The following MALRD1 variants were observed in gnomAD, a reference collection of about 807,000 sequenced individuals.
The protein encoded by MALRD1 is MAM and LDL-receptor class A domain-containing protein 1.
Under a neutral mutation model 242.1 loss-of-function variants are expected in MALRD1, and 247 were observed. The observed-to-expected ratio is 1.02, with a 90% confidence interval of 0.92 to 1.13. The LOEUF (loss-of-function observed/expected upper bound fraction) is 1.13. MALRD1 is among the 50% of genes most tolerant of loss of function. The probability of loss-of-function intolerance (pLI) is 0.00; values close to 1 mark genes in which losing one functional copy is unlikely to be tolerated. For synonymous variants in MALRD1, 995 were observed against 866.6 expected (o/e 1.15, Z -2.60); for missense variants, 2,989 against 2,533.1 (o/e 1.18, Z -3.86).
chr10:19,267,309 T>C (rs538155291), intron 19 of MALRD1, among the ~76,000 whole-genome samples: 3 of 152,214 alleles, frequency 2.0e-5, no homozygotes, highest in South Asian at 4.1e-4. Flanking sequence ...GGATAACTGT[T>C]ACTAAAGCAG....
chr10:19,287,068 C>G (rs569408243), intron 21 of MALRD1, among the ~76,000 whole-genome samples: 80 of 152,242 alleles, frequency 5.3e-4, no homozygotes, highest in African/African-American at 1.8e-3. Context: ...CTACCTCTTT[C>G]ATCTTTATGT....
chr10:19,346,543 G>T (rs1844132044), intron 24 of MALRD1, among the ~76,000 whole-genome samples: 1 of 152,132 alleles, frequency 6.6e-6, no homozygotes, highest in Non-Finnish European at 1.5e-5. Context: ...TGATTTTACA[G>T]ACTTTTATTT....
chr10:19,053,405 G>A (rs7907849), intron 1 of MALRD1, among the ~76,000 whole-genome samples: 10,879 of 152,122 alleles, frequency 0.072, 675 homozygotes, highest in African/African-American at 0.16. Flanking sequence ...CTTGGTTTTG[G>A]TGCTGCTGCT....
At chr10:19,731,352 T>C (rs1165619548) in intron 39 of MALRD1, among the ~76,000 whole-genome samples, 1 of 152,192 alleles carries the variant, frequency 6.6e-6, no homozygotes, top group East Asian at 1.9e-4. Flanking sequence ...AGATTTTTTA[T>C]ATTTTAAGTC....
intron 28 of MALRD1, among the ~76,000 whole-genome samples, chr10:19,448,520 A>G (rs1374075376): frequency 6.6e-6 from 1 of 152,100 alleles, no homozygotes; most frequent in East Asian, 1.9e-4. Flanking sequence ...AGAATAACAA[A>G]GAATAGTGTA....
chr10:19,328,398 A>G (rs1416520910), intron 23 of MALRD1, among the ~76,000 whole-genome samples: 1 of 152,112 alleles, frequency 6.6e-6, no homozygotes, highest in Non-Finnish European at 1.5e-5. Context: ...ACACAGAGCC[A>G]TTTATGTACA....
At chr10:19,050,089 T>G (rs1834441178) in intron 1 of MALRD1, among the ~76,000 whole-genome samples, 1 of 142,824 alleles carries the variant, frequency 7.0e-6, no homozygotes, top group Non-Finnish European at 1.5e-5. Flanking sequence ...TCTTCTTTTT[T>G]TTTTTTTTTT....
At chr10:19,086,816 G>A (rs1169115522) in intron 2 of MALRD1, among the ~76,000 whole-genome samples, 1 of 152,062 alleles carries the variant, frequency 6.6e-6, no homozygotes, top group Non-Finnish European at 1.5e-5. Context: ...TAGGGTTCAG[G>A]ATGGGCGAGC....
At chr10:19,450,061 A>G (rs1835233397) in intron 28 of MALRD1, among the ~76,000 whole-genome samples, 2 of 152,126 alleles carry the variant, frequency 1.3e-5, no homozygotes, top group African/African-American at 4.8e-5. Context: ...AGAGAATTAT[A>G]TTTTTGGAGC....
intron 36 of MALRD1, among the ~76,000 whole-genome samples, chr10:19,635,068 C>T (rs10827695): frequency 0.29 from 43,816 of 152,074 alleles, 7,547 homozygotes; most frequent in Admixed American, 0.42. Flanking sequence ...TTGGATCAAA[C>T]CTTTTATAGG....
chr10:19,390,138 C>G (rs147872368), intron 28 of MALRD1, among the ~76,000 whole-genome samples: 142 of 152,322 alleles, frequency 9.3e-4, no homozygotes, highest in African/African-American at 3.2e-3. Context: ...ATCCCAGAGA[C>G]TCATTATATA....
chr10:19,436,356 A>G (rs1372042588), intron 28 of MALRD1, among the ~76,000 whole-genome samples: 1 of 152,172 alleles, frequency 6.6e-6, no homozygotes, highest in Non-Finnish European at 1.5e-5. Context: ...ACAATTTTAT[A>G]TTATTTCCAA....
At position 19,131,059 on chromosome 10, in the gene MALRD1, T is replaced by C. The variant is rs1301626601; in HGVS notation, c.1110+2672T>C. ...TAGTATCCTGTGAGGTGTCCTGTCT[T>C]TTCTGACACTATTTGCTATCCTCTA... On this transcript the variant is annotated intron_variant, in intron 8 of 39. Coordinates refer to ENST00000454679, the MANE Select transcript of MALRD1 (RefSeq NM_001142308.3). Among the ~76,000 whole-genome samples the C allele has an allele frequency of 2.3e-4, 35 of 152,138 alleles. 2 individuals are homozygous for C. Among genetic ancestry groups the C allele is most frequent in the Admixed American group, 2.3e-3 (35 of 15,266 alleles).
intron 2 of MALRD1, among the ~76,000 whole-genome samples, chr10:19,068,543 G>A (rs1835048616): frequency 6.6e-6 from 1 of 152,056 alleles, no homozygotes; most frequent in Non-Finnish European, 1.5e-5. Context: ...AAGCTGCATA[G>A]GAAAAAGAGA....
At position 19,647,220 on chromosome 10, in the gene MALRD1, G is replaced by T. The variant is rs10827735; in HGVS notation, c.6137+31297G>T. ...AAAGTCACGCAAATTTGCAATGTAC[G>T]CCCTATTTTATCTGCATGTATCTTT... On this transcript the variant is annotated intron_variant, in intron 36 of 39. Transcript: ENST00000454679. 9.3e-3 allele frequency among the ~76,000 whole-genome samples: 1,418 copies of T among 152,200 alleles called. 19 individuals carry two copies. Among genetic ancestry groups the T allele is most frequent in the African/African-American group, 0.032 (1,324 of 41,524 alleles).
At chr10:19,252,774 T>C (rs1839351738) in intron 18 of MALRD1, among the ~76,000 whole-genome samples, 1 of 152,040 alleles carries the variant, frequency 6.6e-6, no homozygotes, top group South Asian at 2.1e-4. Context: ...AAAACTCCAA[T>C]TATTCTGCAG....
intron 39 of MALRD1, among the ~76,000 whole-genome samples, chr10:19,733,494 C>G (rs1835374905): frequency 6.6e-6 from 1 of 152,052 alleles, no homozygotes; most frequent in Admixed American, 6.5e-5. Context: ...CCCCAATTGT[C>G]TCATTAAAAC....
intron 28 of MALRD1, among the ~76,000 whole-genome samples, chr10:19,432,836 T>C (rs995340315): frequency 3.9e-5 from 6 of 152,178 alleles, no homozygotes; most frequent in South Asian, 2.1e-4. Context: ...TTTCTCTTTC[T>C]CCCCCAAACT....
chr10:19,057,313 G>A (rs1349902086), intron 1 of MALRD1, among the ~76,000 whole-genome samples: 2 of 152,164 alleles, frequency 1.3e-5, no homozygotes, highest in Admixed American at 6.5e-5. Flanking sequence ...GGTGCCAGCA[G>A]ATTCAGTGTC....
Sources: gnomAD v4.1 joint callset for allele counts (sites outside exome capture counted in the v4.1 genomes callset) on GRCh38, gnomAD v4.1.1 for gene constraint, MANE v1.5 for transcripts, NCBI Gene and HGNC (gene_info 2026-07-23, HGNC 2026-07-21) for gene names.